Variants in NRGN observed in about 807,000 individuals in gnomAD.
The protein encoded by NRGN is calmodulin-binding protein.
For synonymous variants in NRGN, 47 were observed against 52.8 expected (o/e 0.89, Z 0.47); for missense variants, 82 against 123.0 (o/e 0.67, Z 1.58).
At chr11:124,742,284 C>T (rs1943972374) in intron 1 of NRGN, among the ~76,000 whole-genome samples, 1 of 152,148 alleles carries the variant, frequency 6.6e-6, no homozygotes, top group Admixed American at 6.5e-5. Context: ...GCAGGTCCTT[C>T]TTCATCTTTT....
rs2134446788 is a variant in NRGN, at chr11:124,745,458, TCAAGA to T, written c.16-43_16-39del. The T allele has an allele frequency of 6.9e-7, 1 of 1,452,552 alleles. No homozygotes were observed. Among genetic ancestry groups the T allele is most frequent in the Non-Finnish European group, 9.3e-7 (1 of 1,080,620 alleles). The allele number at this position is 1,452,552 out of a possible 1,614,324, so 90.0% of individuals were successfully genotyped here. On this transcript the variant is annotated intron_variant, in intron 1 of 3. Transcript: ENST00000284292. This position sits in a 1 kb window ranked among gnomAD's most constrained non-coding sequence, Gnocchi z 6.4. ...TCTATTCCTACCCCACTCCCGCGGA[TCAAGA>T]CCCAGTGACCCCACAAGAACCCCCC...
At position 124,741,423 on chromosome 11, in the gene NRGN, C is replaced by G. The variant is rs118007398; in HGVS notation, c.15+1324C>G. Among the ~76,000 whole-genome samples the G allele has an allele frequency of 2.0e-5, 3 of 152,232 alleles. No individual in the cohort carries two copies. The East Asian group carries it at 5.8e-4, about 29-fold the overall frequency. ...AAAGTAATCTGCTCATAATAGAAAACGTAAAACCTAGAGAAAAGTATGAAA... is the reference window on the plus strand; with the variant it reads ...AAAGTAATCTGCTCATAATAGAAAAGGTAAAACCTAGAGAAAAGTATGAAA... On this transcript the variant is annotated intron_variant, in intron 1 of 3. Transcript: ENST00000284292.
chr11:124,740,577 A>G lies in NRGN; in HGVS notation c.15+478A>G, dbSNP rs1339187936. Among the ~76,000 whole-genome samples, 1 of 152,236 alleles carries G rather than the reference A, an allele frequency of 6.6e-6. No homozygotes were observed. Among genetic ancestry groups the G allele is most frequent in the African/African-American group, 2.4e-5 (1 of 41,466 alleles). On this transcript the variant is annotated intron_variant, in intron 1 of 3. Transcript: ENST00000284292. This position sits in a 1 kb window ranked among gnomAD's most constrained non-coding sequence, Gnocchi z 7.5. Reference sequence around the variant, plus strand: ...ATCGCCTAAGCGCCCTGTGCAGCGCAGGCTGGTCCATATTGGTTAGCTCGG... The same window carrying G: ...ATCGCCTAAGCGCCCTGTGCAGCGCGGGCTGGTCCATATTGGTTAGCTCGG...
chr11:124,741,423 C>T (rs118007398), intron 1 of NRGN, among the ~76,000 whole-genome samples: 5 of 152,114 alleles, frequency 3.3e-5, no homozygotes, highest in African/African-American at 4.8e-5. Context: ...TAATAGAAAA[C>T]GTAAAACCTA....
intron 1 of NRGN, among the ~76,000 whole-genome samples, chr11:124,744,206 GTTA>G (rs1943990914): frequency 6.6e-6 from 1 of 152,186 alleles, no homozygotes; most frequent in African/African-American, 2.4e-5. Context: ...ATATGAAATT[GTTA>G]TTATATGACC....
At chr11:124,742,051 C>T (rs1225929980) in intron 1 of NRGN, among the ~76,000 whole-genome samples, 1 of 152,218 alleles carries the variant, frequency 6.6e-6, no homozygotes, top group East Asian at 1.9e-4. Flanking sequence ...CTTCCCAAGT[C>T]ATGCCCTGTC....
Position 124,740,881 on chromosome 11 carries a change from G to A in NRGN, c.15+782G>A, listed in dbSNP as rs956584198. Among the ~76,000 whole-genome samples, 5 of 152,264 alleles carry A rather than the reference G, an allele frequency of 3.3e-5. No individual in the cohort carries two copies. Among genetic ancestry groups the A allele is most frequent in the Non-Finnish European group, 5.9e-5 (4 of 68,046 alleles). On this transcript the variant is annotated intron_variant, in intron 1 of 3. Coordinates refer to ENST00000284292, the MANE Select transcript of NRGN (RefSeq NM_006176.3). This position sits in a 1 kb window ranked among gnomAD's most constrained non-coding sequence, Gnocchi z 7.5. Reference sequence around the variant, plus strand: ...CACTGGAAGAGTACAGTGATCATACGTATATGAAATTTATTTGTTTGCTTA... The same window carrying A: ...CACTGGAAGAGTACAGTGATCATACATATATGAAATTTATTTGTTTGCTTA...
intron 3 of NRGN, 126 bp from the exon 4 acceptor site, chr11:124,746,278 G>A (rs912149701): frequency 2.0e-5 from 3 of 152,556 alleles, no homozygotes; most frequent in African/African-American, 7.2e-5. Flanking sequence ...CTCGGGGTGG[G>A]GGTTCTGGGT....
rs933714485 is a variant in NRGN, at chr11:124,745,775, C to A, written c.*5+46C>A. On this transcript the variant is annotated intron_variant, in intron 2 of 3. Transcript: ENST00000284292. The surrounding 1 kb of genome is among the most constrained non-coding windows in gnomAD (Gnocchi z 6.4). ...CTGGCTGACAGCTGCCCTTCCCCAG[C>A]CCTCCCCAGGAGCAGGGGGAGAATA... is the stretch of plus-strand genomic sequence containing the variant. The A allele has an allele frequency of 9.3e-7, 1 of 1,071,532 alleles. No individual in the cohort carries two copies. Among genetic ancestry groups the A allele is most frequent in the African/African-American group, 1.6e-5 (1 of 60,680 alleles). 66.4% of individuals were successfully genotyped at this position (1,071,532 alleles called of 1,614,324 possible).
chr11:124,743,564 C>A (rs1446021029), intron 1 of NRGN, among the ~76,000 whole-genome samples: 1 of 152,124 alleles, frequency 6.6e-6, no homozygotes, highest in Non-Finnish European at 1.5e-5. Flanking sequence ...AATGTAACTC[C>A]TTTTAACTGT....
Position 124,744,065 on chromosome 11 carries a change from C to T in NRGN, c.16-1438C>T, listed in dbSNP as rs145207112. 2.0e-5 allele frequency among the ~76,000 whole-genome samples: 3 copies of T among 152,294 alleles called. No homozygotes were observed. The East Asian group carries it at 5.8e-4, about 29-fold the overall frequency. ...TCAGAGGCTGAATTCCTCTCCGTTC[C>T]ATAGCCTTTCCTCTGCAATCTATAC... On this transcript the variant is annotated intron_variant, in intron 1 of 3. Coordinates refer to ENST00000284292, the MANE Select transcript of NRGN (RefSeq NM_006176.3).
At chr11:124,743,689 A>C (rs546335540) in intron 1 of NRGN, among the ~76,000 whole-genome samples, 1 of 152,242 alleles carries the variant, frequency 6.6e-6, no homozygotes, top group East Asian at 1.9e-4. Flanking sequence ...GGGCTTGGGC[A>C]TCTGGAGTTT....
chr11:124,744,479 G>C (rs1168998006), intron 1 of NRGN, among the ~76,000 whole-genome samples: 3 of 152,194 alleles, frequency 2.0e-5, no homozygotes, highest in Non-Finnish European at 4.4e-5. Context: ...TGGTTGACTG[G>C]GCTGCATTTT....
chr11:124,743,549 A>G lies in NRGN; in HGVS notation c.16-1954A>G, dbSNP rs571061544. 4.6e-5 allele frequency among the ~76,000 whole-genome samples: 7 copies of G among 152,156 alleles called. No homozygotes were observed. In the South Asian group the frequency reaches 1.5e-3, roughly 32 times the overall value. On this transcript the variant is annotated intron_variant, in intron 1 of 3. Transcript: ENST00000284292. ...TTCTTTCTGTTTTTTTGACTCTTCT[A>G]CCAAAATGTAACTCCTTTTAACTGT... is the stretch of plus-strand genomic sequence containing the variant.
At chr11:124,744,071 C>G (rs1434151762) in intron 1 of NRGN, among the ~76,000 whole-genome samples, 1 of 152,156 alleles carries the variant, frequency 6.6e-6, no homozygotes, top group Non-Finnish European at 1.5e-5. Context: ...GTTCCATAGC[C>G]TTTCCTCTGC....
chr11:124,745,905 A>G lies in NRGN; in HGVS notation c.*6-60A>G. ...AGAGGCTGAAGGTTGCGCGGATTCC[A>G]GGAGCTCACCTGTTTCTCCCTCTGC... is the stretch of plus-strand genomic sequence containing the variant. On this transcript the variant is annotated intron_variant, in intron 2 of 3. Transcript: ENST00000284292. This position sits in a 1 kb window ranked among gnomAD's most constrained non-coding sequence, Gnocchi z 6.4. The G allele has an allele frequency of 5.2e-6, 2 of 381,032 alleles. No homozygotes were observed. Among genetic ancestry groups the G allele is most frequent in the Non-Finnish European group, 9.2e-6 (2 of 216,226 alleles). The allele number at this position is 381,032 out of a possible 1,614,324, so 23.6% of individuals were successfully genotyped here. A position where few individuals can be genotyped will look rare whatever the true frequency, so the allele number is the denominator to read the frequency against.
rs1053120672 is a variant in NRGN, at chr11:124,739,993, C to G, written c.-92C>G. 3 of 556,470 alleles carry G rather than the reference C, an allele frequency of 5.4e-6. No homozygotes were observed. The highest frequency in any genetic ancestry group is 2.0e-5 in the African/African-American group (1 of 50,622). 34.5% of individuals were successfully genotyped at this position (556,470 alleles called of 1,614,324 possible). The stretch of plus-strand genomic sequence containing the variant: ...GTTTCGGCGCGGGTCGGCTGGCGGC[C>G]GACTGCCCCAGAGCCCCCACCCGGC... On this transcript the variant is annotated 5_prime_UTR_variant, in exon 1 of 4. Transcript: ENST00000284292.
chr11:124,741,028 G>GA (rs1184392622), intron 1 of NRGN, among the ~76,000 whole-genome samples: 5 of 151,408 alleles, frequency 3.3e-5, no homozygotes, highest in African/African-American at 7.3e-5. Context: ...GCATAGTAAA[G>GA]AAAAAAAAAG....
chr11:124,744,354 C>T (rs113935267), intron 1 of NRGN, among the ~76,000 whole-genome samples: 8 of 152,328 alleles, frequency 5.3e-5, no homozygotes, highest in Admixed American at 3.9e-4. Context: ...TTCTTCCCCA[C>T]GACCCATAGA....
Sources: gnomAD v4.1 joint callset for allele counts (sites outside exome capture counted in the v4.1 genomes callset) on GRCh38, gnomAD v4.1.1 for gene constraint, Gnocchi (gnomAD v3.1) non-coding constraint, MANE v1.5 for transcripts, NCBI Gene and HGNC (gene_info 2026-07-23, HGNC 2026-07-21) for gene names.